The following PDE7A variants were observed in gnomAD, a reference collection of about 807,000 sequenced individuals.
The protein encoded by PDE7A is high affinity 3',5'-cyclic-AMP phosphodiesterase 7A.
PDE7A carries 39 observed loss-of-function variants against 64.3 expected under a neutral mutation model. The observed-to-expected ratio is 0.61, with a 90% CI of 0.47 to 0.79. The LOEUF is 0.79. Among genes scored for constraint, PDE7A ranks in the 30% least tolerant of loss-of-function variants. The pLI is 0.00. For synonymous variants in PDE7A, 203 were observed against 206.8 expected (o/e 0.98, Z 0.16); for missense variants, 470 against 582.8 (o/e 0.81, Z 1.99).
At chr8:65,836,218 A>AAC (rs1810947290) in intron 1 of PDE7A, among the ~76,000 whole-genome samples, 3 of 152,210 alleles carry the variant, frequency 2.0e-5, no homozygotes, top group Admixed American at 1.3e-4. Context: ...TGCTAACAGT[A>AAC]ATTTGGAATA....
chr8:65,784,890 G>A (rs574001507), intron 1 of PDE7A, among the ~76,000 whole-genome samples: 4 of 152,046 alleles, frequency 2.6e-5, no homozygotes, highest in Non-Finnish European at 5.9e-5. Context: ...CAATGAGATT[G>A]TATTTTTACA....
chr8:65,830,990 A>AT (rs1341044933), intron 1 of PDE7A, among the ~76,000 whole-genome samples: 6 of 152,112 alleles, frequency 3.9e-5, no homozygotes, highest in African/African-American at 9.7e-5. Flanking sequence ...TTGTTCACAT[A>AT]TTTTTTAATG....
At chr8:65,835,084 T>A (rs1349143040) in intron 1 of PDE7A, among the ~76,000 whole-genome samples, 1 of 152,212 alleles carries the variant, frequency 6.6e-6, no homozygotes, top group Non-Finnish European at 1.5e-5. Context: ...TAGGCAAGAA[T>A]AAGCCATTTA....
chr8:65,787,734 G>C (rs776604714), intron 1 of PDE7A, among the ~76,000 whole-genome samples: 48 of 151,784 alleles, frequency 3.2e-4, no homozygotes, highest in Non-Finnish European at 6.5e-4. Flanking sequence ...CTTGAGCCCA[G>C]GAGTTTGAGA....
At chr8:65,756,917 C>T (rs1292513657) in intron 3 of PDE7A, among the ~76,000 whole-genome samples, 1 of 151,954 alleles carries the variant, frequency 6.6e-6, no homozygotes, top group Non-Finnish European at 1.5e-5. Context: ...ATTTTGCTGG[C>T]TTATGATAAA....
rs55663523 is a variant in PDE7A, at chr8:65,828,952, G to C, written c.138+12419C>G. ...TCGAGTATTTTGCTAATTTTCTACT[G>C]AGTAGTCTTTACATTCTTGGGTATT... On this transcript the variant is annotated intron_variant, in intron 1 of 12. Transcript: ENST00000401827. Among the ~76,000 whole-genome samples, 852 of 152,062 alleles carry C rather than the reference G, an allele frequency of 5.6e-3. 6 individuals are homozygous for C. The highest frequency in any genetic ancestry group is 0.018 in the African/African-American group (763 of 41,506).
chr8:65,811,657 C>A (rs1168237631), intron 1 of PDE7A, among the ~76,000 whole-genome samples: 1 of 152,188 alleles, frequency 6.6e-6, no homozygotes, highest in African/African-American at 2.4e-5. Context: ...CCTTTTAACT[C>A]TCACATGGTC....
intron 1 of PDE7A, among the ~76,000 whole-genome samples, chr8:65,828,444 A>T (rs1463452242): frequency 1.3e-5 from 2 of 152,140 alleles, no homozygotes; most frequent in Non-Finnish European, 2.9e-5. Context: ...TTGGATACAG[A>T]GTTTTCTGTT....
At chr8:65,792,952 C>T (rs373211199) in intron 1 of PDE7A, among the ~76,000 whole-genome samples, 54 of 151,744 alleles carry the variant, frequency 3.6e-4, no homozygotes, top group African/African-American at 1.2e-3. Context: ...ATGTAGTATC[C>T]GAATATTTGA....
intron 1 of PDE7A, among the ~76,000 whole-genome samples, chr8:65,803,666 T>C (rs553025661): frequency 6.6e-6 from 1 of 152,334 alleles, no homozygotes; most frequent in Non-Finnish European, 1.5e-5. Context: ...TGGTATCCAC[T>C]GAGAAAAGTA....
At chr8:65,739,281 G>A (rs1414792219) in intron 6 of PDE7A, among the ~76,000 whole-genome samples, 1 of 152,134 alleles carries the variant, frequency 6.6e-6, no homozygotes, top group African/African-American at 2.4e-5. Flanking sequence ...CCCACCTGTT[G>A]CTGTCTGCAG....
At position 65,727,202 on chromosome 8, in the gene PDE7A, T is replaced by C; in HGVS notation, c.796A>G (p.Lys266Glu). Residue 266 changes from lysine to glutamate, a missense_variant, in exon 8 of 13, where the codon AAA becomes GAA. Physicochemically the swap from Lys to Glu is moderately conservative, Grantham distance 56 (BLOSUM62 1). Transcript: ENST00000401827. ...HPGVNQPFLI[K>E]TNHYLATLYK... is the part of the protein sequence containing the mutation. ...AAAGTTGCCAAGTAATGGTTAGTTT[T>C]AATAAGGAAAGGTTGATTAACACCT... The C allele has an allele frequency of 6.2e-7, 1 of 1,612,376 alleles. No homozygotes were observed. Among genetic ancestry groups the C allele is most frequent in the Non-Finnish European group, 8.5e-7 (1 of 1,178,520 alleles).
chr8:65,834,199 T>C (rs1810898244), intron 1 of PDE7A, among the ~76,000 whole-genome samples: 1 of 152,194 alleles, frequency 6.6e-6, no homozygotes, highest in African/African-American at 2.4e-5. Context: ...CTCCTCAGCC[T>C]ACTCAACATG....
At position 65,841,355 on chromosome 8, in the gene PDE7A, C is replaced by A; in HGVS notation, c.138+16G>T. The A allele has an allele frequency of 2.0e-6, 3 of 1,523,008 alleles. No individual in the cohort carries two copies. The highest frequency in any genetic ancestry group is 2.6e-6 in the Non-Finnish European group (3 of 1,137,158). 94.3% of individuals were successfully genotyped at this position (1,523,008 alleles called of 1,614,324 possible). ...AGAGAGAAGCCCTCAAGTGTGGGCC[C>A]GGCGGCGGCGATTACCTGAGAGAGC... On this transcript the variant is annotated intron_variant, in intron 1 of 12. Transcript: ENST00000401827.
At chr8:65,835,398 G>A (rs1252401851) in intron 1 of PDE7A, among the ~76,000 whole-genome samples, 1 of 152,208 alleles carries the variant, frequency 6.6e-6, no homozygotes, top group African/African-American at 2.4e-5. Context: ...GGGCCTGCAT[G>A]CAATAAGGCT....
intron 1 of PDE7A, among the ~76,000 whole-genome samples, chr8:65,815,034 T>C (rs1044990273): frequency 1.3e-5 from 2 of 151,862 alleles, no homozygotes; most frequent in South Asian, 2.1e-4. Flanking sequence ...TGAGCTGAGA[T>C]TGCGCCACTG....
At chr8:65,788,652 G>A (rs1440054668) in intron 1 of PDE7A, among the ~76,000 whole-genome samples, 1 of 152,072 alleles carries the variant, frequency 6.6e-6, no homozygotes. Context: ...ATGCTGCTTT[G>A]ATACTGAGGA....
At chr8:65,721,998 C>G (rs1466376606) in intron 12 of PDE7A, 1 of 152,088 alleles carries the variant, frequency 6.6e-6, no homozygotes, top group Non-Finnish European at 1.5e-5. Flanking sequence ...ACTATTTTGG[C>G]CAGGCTGGTC....
At chr8:65,727,332 A>G (rs369122099) in intron 7 of PDE7A, 31 bp from the exon 8 acceptor site, 273 of 1,611,670 alleles carry the variant, frequency 1.7e-4, no homozygotes, top group Non-Finnish European at 2.2e-4. Context: ...AATGAATCAC[A>G]GATATATCTA....
Sources: allele counts gnomAD v4.1 joint callset (sites outside exome capture counted in the v4.1 genomes callset), GRCh38; gene constraint gnomAD v4.1.1; transcripts MANE v1.5; gene names NCBI Gene and HGNC (gene_info 2026-07-23, HGNC 2026-07-21).